GRAP2: variants seen among roughly 807,000 people sequenced by gnomAD.
The protein encoded by GRAP2 is GRB2-related adapter protein 2.
A neutral mutation model predicts 43.5 loss-of-function variants in GRAP2; 31 were observed. That is an observed-to-expected ratio of 0.71 (90% CI 0.54 to 0.96). The LOEUF (loss-of-function observed/expected upper bound fraction) is 0.96, where lower values mean the gene tolerates loss of function less well. Ranked by LOEUF, GRAP2 falls within the 40% of genes least tolerant of loss-of-function variation. The probability of loss-of-function intolerance (pLI) is 0.00; values close to 1 mark genes in which losing one functional copy is unlikely to be tolerated. For synonymous variants in GRAP2, 156 were observed against 164.8 expected, an observed-to-expected ratio of 0.95 and a Z score of 0.41; for missense variants, 371 against 424.4, an observed-to-expected ratio of 0.87 and a Z score of 1.11.
At chr22:39,904,488 A>G (rs954612625) in intron 1 of GRAP2, among the ~76,000 whole-genome samples, 4 of 152,264 alleles carry the variant, frequency 2.6e-5, no homozygotes, top group African/African-American at 9.6e-5. Flanking sequence ...ACCTAGGTTC[A>G]ACAATTGCTA....
At chr22:39,960,246 G>A in intron 4 of GRAP2, 72 bp downstream of exon 4, 3 of 1,441,282 alleles carry the variant, frequency 2.1e-6, no homozygotes, top group East Asian at 2.3e-5. Context: ...AAGCCATGAA[G>A]GGACCTCTGG....
rs540904577 is a variant in GRAP2, at chr22:39,931,682, G to A, written c.-14-15411G>A. 2.6e-5 allele frequency among the ~76,000 whole-genome samples: 4 copies of A among 152,276 alleles called. No individual in the cohort carries two copies. The East Asian group carries it at 5.8e-4, about 22-fold the overall frequency. On this transcript the variant is annotated intron_variant, in intron 1 of 7. Coordinates refer to ENST00000344138, the MANE Select transcript of GRAP2 (RefSeq NM_004810.4). The stretch of plus-strand genomic sequence containing the variant: ...TTATAGGCATGAGAAAGTAGATGGC[G>A]AATTTGAGAGTAACAATGTAAAATG...
intron 3 of GRAP2, among the ~76,000 whole-genome samples, chr22:39,957,651 G>A (rs1407716284): frequency 6.6e-6 from 1 of 152,208 alleles, no homozygotes; most frequent in Non-Finnish European, 1.5e-5. Flanking sequence ...CCAGAGGCCA[G>A]GTGGGTTTTG....
At chr22:39,959,780 T>G (rs1221482692) in intron 3 of GRAP2, among the ~76,000 whole-genome samples, 1 of 152,186 alleles carries the variant, frequency 6.6e-6, no homozygotes, top group East Asian at 1.9e-4. Context: ...CCCATTTTGG[T>G]GCAGCGACAC....
chr22:39,969,340 C>G, intron 6 of GRAP2, 71 bp from the exon 7 acceptor site: 1 of 1,563,522 alleles, frequency 6.4e-7, no homozygotes, highest in Non-Finnish European at 8.8e-7. Context: ...GGCATCTGAG[C>G]AAGGCACTGG....
intron 3 of GRAP2, among the ~76,000 whole-genome samples, chr22:39,956,439 G>A (rs1336679722): frequency 1.3e-5 from 2 of 152,016 alleles, no homozygotes; most frequent in African/African-American, 4.8e-5. Context: ...TTACAGGCGT[G>A]AACCACCATG....
intron 1 of GRAP2, among the ~76,000 whole-genome samples, chr22:39,925,466 C>G (rs1474316337): frequency 1.3e-5 from 2 of 152,104 alleles, no homozygotes; most frequent in Non-Finnish European, 2.9e-5. Context: ...CCAAGTGCAG[C>G]CTGTACACAA....
intron 5 of GRAP2, among the ~76,000 whole-genome samples, chr22:39,966,753 C>A (rs150991162): frequency 5.0e-4 from 76 of 152,352 alleles, no homozygotes; most frequent in African/African-American, 1.7e-3. Flanking sequence ...ATGCGTCAGA[C>A]AGACCTGGTA....
chr22:39,948,991 C>T (rs767886661), intron 2 of GRAP2, among the ~76,000 whole-genome samples: 16 of 152,204 alleles, frequency 1.1e-4, no homozygotes, highest in Non-Finnish European at 1.8e-4. Context: ...TCTTCAGCTG[C>T]AACTATCACC....
intron 1 of GRAP2, among the ~76,000 whole-genome samples, chr22:39,943,991 C>A (rs2066896243): frequency 6.6e-6 from 1 of 152,064 alleles, no homozygotes; most frequent in African/African-American, 2.4e-5. Context: ...AGGCGTGAGC[C>A]ACTGTGCCTG....
chr22:39,920,008 T>G (rs567180993), intron 1 of GRAP2, among the ~76,000 whole-genome samples: 5 of 152,200 alleles, frequency 3.3e-5, no homozygotes, highest in Non-Finnish European at 7.4e-5. Context: ...GCATTCAGAA[T>G]CTATCTGGTT....
intron 1 of GRAP2, among the ~76,000 whole-genome samples, chr22:39,907,828 C>T (rs2066533666): frequency 6.6e-6 from 1 of 152,178 alleles, no homozygotes; most frequent in Admixed American, 6.5e-5. Flanking sequence ...ACAGATTTTA[C>T]CTCTCATTCT....
At chr22:39,948,413 G>A (rs1212862032) in intron 2 of GRAP2, 1 of 151,902 alleles carries the variant, frequency 6.6e-6, no homozygotes, top group Non-Finnish European at 1.5e-5. Flanking sequence ...GTGATCATGT[G>A]ACTGTCATCC....
rs1034876357 is a variant in GRAP2, at chr22:39,904,646, C to G, written c.-15+3316C>G. Among the ~76,000 whole-genome samples the G allele has an allele frequency of 2.0e-5, 3 of 152,172 alleles. No homozygotes were observed. In the East Asian group the frequency reaches 5.8e-4, roughly 29 times the overall value. ...ATCTAACCACAATTCCATCATTAGG[C>G]CTAAGAGGATAAACAGTAAGTCCTT... On this transcript the variant is annotated intron_variant, in intron 1 of 7. Coordinates refer to ENST00000344138, the MANE Select transcript of GRAP2 (RefSeq NM_004810.4).
chr22:39,931,660 T>C (rs1601707197), intron 1 of GRAP2, among the ~76,000 whole-genome samples: 1 of 152,162 alleles, frequency 6.6e-6, no homozygotes, highest in Non-Finnish European at 1.5e-5. Context: ...TGACGAGTTA[T>C]AGGCATGAGA....
intron 1 of GRAP2, among the ~76,000 whole-genome samples, chr22:39,944,378 C>A (rs1361745879): frequency 2.0e-5 from 3 of 152,160 alleles, no homozygotes; most frequent in African/African-American, 7.2e-5. Context: ...ACTAGGGGTG[C>A]TTCAAGGGAA....
chr22:39,942,906 T>G (rs1448351108), intron 1 of GRAP2, among the ~76,000 whole-genome samples: 1 of 152,238 alleles, frequency 6.6e-6, no homozygotes, highest in African/African-American at 2.4e-5. Flanking sequence ...AGACATTATC[T>G]TATCTGAATT....
At chr22:39,933,213 A>G (rs921561360) in intron 1 of GRAP2, among the ~76,000 whole-genome samples, 1 of 152,246 alleles carries the variant, frequency 6.6e-6, no homozygotes, top group East Asian at 1.9e-4. Flanking sequence ...TGAGAAGCGC[A>G]CTGGATGCAT....
chr22:39,910,185 A>T (rs905573254), intron 1 of GRAP2, among the ~76,000 whole-genome samples: 1 of 152,156 alleles, frequency 6.6e-6, no homozygotes, highest in African/African-American at 2.4e-5. Flanking sequence ...CACGGGACTC[A>T]GAACGGAGCA....
Sources: gnomAD v4.1 joint callset for allele counts (sites outside exome capture counted in the v4.1 genomes callset) on GRCh38, gnomAD v4.1.1 for gene constraint, MANE v1.5 for transcripts, NCBI Gene and HGNC (gene_info 2026-07-23, HGNC 2026-07-21) for gene names.